The following PHLDB2 variants were observed in gnomAD, a reference collection of about 807,000 sequenced individuals.
PHLDB2 encodes pleckstrin homology-like domain family B member 2.
A neutral mutation model predicts 123.6 loss-of-function variants in PHLDB2; 71 were observed. That is an observed-to-expected ratio of 0.57 (90% CI 0.47 to 0.70). The LOEUF (loss-of-function observed/expected upper bound fraction) is 0.70. Among genes scored for constraint, PHLDB2 ranks in the 30% least tolerant of loss-of-function variants. PHLDB2 has a pLI of 0.00. For synonymous variants in PHLDB2, 547 were observed against 541.6 expected, an observed-to-expected ratio of 1.01 and a Z score of -0.14; for missense variants, 1,446 against 1,519.5, an observed-to-expected ratio of 0.95 and a Z score of 0.80.
rs144836013 is a variant in PHLDB2, at chr3:111,975,206, T to C, written c.*643T>C. ...TGATGCCATCAAATGCCCAGGAAAT[T>C]GACTTTGCAGTGTCACCACTGGTGT... On this transcript the variant is annotated 3_prime_UTR_variant, in exon 18 of 18. Transcript: ENST00000431670. 6.6e-6 allele frequency: 1 copy of C among 152,484 alleles called. No individual in the cohort carries two copies. The highest frequency in any genetic ancestry group is 1.5e-5 in the Non-Finnish European group (1 of 68,048). 9.4% of individuals were successfully genotyped at this position (152,484 alleles called of 1,614,324 possible).
chr3:111,923,975 G>A (rs1282965), intron 5 of PHLDB2, among the ~76,000 whole-genome samples: 1 of 152,132 alleles, frequency 6.6e-6, no homozygotes, highest in Non-Finnish European at 1.5e-5. Context: ...TCCAAATTCC[G>A]TAGTGTGATC....
At chr3:111,875,024 G>C (rs918416296) in intron 1 of PHLDB2, among the ~76,000 whole-genome samples, 1 of 152,132 alleles carries the variant, frequency 6.6e-6, no homozygotes, top group Non-Finnish European at 1.5e-5. Context: ...ATTTGATTTT[G>C]TAGTTTTTCA....
chr3:111,747,520 G>A (rs1325016054), intron 1 of PHLDB2, among the ~76,000 whole-genome samples: 1 of 152,154 alleles, frequency 6.6e-6, no homozygotes, highest in Non-Finnish European at 1.5e-5. Context: ...AGCAATACCA[G>A]GACAGAGGAG....
chr3:111,912,820 A>T (rs1479192154), intron 2 of PHLDB2, among the ~76,000 whole-genome samples: 3 of 151,994 alleles, frequency 2.0e-5, no homozygotes, highest in African/African-American at 7.2e-5. Context: ...ATGGAGGTTT[A>T]AAAAAAATGA....
chr3:111,954,854 G>T (rs970036256), intron 12 of PHLDB2, among the ~76,000 whole-genome samples: 28 of 152,268 alleles, frequency 1.8e-4, no homozygotes, highest in African/African-American at 6.0e-4. Context: ...AATAATGGCG[G>T]TATGCCCAGG....
intron 13 of PHLDB2, among the ~76,000 whole-genome samples, chr3:111,962,929 CAA>C (rs57625439): frequency 7.6e-4 from 71 of 93,818 alleles, no homozygotes; most frequent in South Asian, 1.8e-3. Context: ...AACTCCATCT[CAA>C]AAAAAAAAAA....
chr3:111,814,219 G>T (rs1009544405), intron 1 of PHLDB2, among the ~76,000 whole-genome samples: 1 of 152,128 alleles, frequency 6.6e-6, no homozygotes, highest in Non-Finnish European at 1.5e-5. Flanking sequence ...GTCAGGCTAG[G>T]GAAGGCAGAC....
In PHLDB2 at chr3:111,913,979, G is replaced by C. The variant is rs374918939; in HGVS notation, c.1719+277G>C. The C allele has an allele frequency of 2.3e-4, 94 of 401,244 alleles. 2 individuals carry two copies. In the South Asian group the frequency reaches 3.3e-3, roughly 14 times the overall value. 24.9% of individuals were successfully genotyped at this position (401,244 alleles called of 1,614,324 possible). On this transcript the variant is annotated intron_variant, in intron 3 of 17. Transcript: ENST00000431670. Reference sequence around the variant, plus strand: ...TTCAGGTTGTACACCTGAGTGATAAGCAGGTGTAAAACTGGTGCTAAAATT... The same window carrying C: ...TTCAGGTTGTACACCTGAGTGATAACCAGGTGTAAAACTGGTGCTAAAATT...
intron 1 of PHLDB2, among the ~76,000 whole-genome samples, chr3:111,797,850 G>A (rs2061224665): frequency 6.6e-6 from 1 of 152,196 alleles, no homozygotes; most frequent in Non-Finnish European, 1.5e-5. Flanking sequence ...AGAGAAATAG[G>A]GTAGGGTGCA....
At chr3:111,883,592 CTT>C (rs954220210) in intron 1 of PHLDB2, among the ~76,000 whole-genome samples, 1 of 152,100 alleles carries the variant, frequency 6.6e-6, no homozygotes, top group African/African-American at 2.4e-5. Context: ...CTAACGTAAA[CTT>C]TTTTTTCTCT....
chr3:111,758,139 A>G (rs1239432734), intron 1 of PHLDB2, among the ~76,000 whole-genome samples: 1 of 152,054 alleles, frequency 6.6e-6, no homozygotes, highest in Non-Finnish European at 1.5e-5. Context: ...CAAAGCTGTC[A>G]GACAGGGACA....
intron 2 of PHLDB2, among the ~76,000 whole-genome samples, chr3:111,904,672 G>A (rs1460306063): frequency 6.6e-6 from 1 of 152,154 alleles, no homozygotes; most frequent in Non-Finnish European, 1.5e-5. Context: ...TTTATTTTGA[G>A]GGGAGGGAGG....
intron 1 of PHLDB2, among the ~76,000 whole-genome samples, chr3:111,756,208 TTGTTAACTTTC>T (rs1014920078): frequency 5.3e-5 from 8 of 151,882 alleles, no homozygotes; most frequent in African/African-American, 1.9e-4. Flanking sequence ...CTGGGTATCC[TTGTTAACTTTC>T]TGTCTCGTTG....
upstream of PHLDB2, among the ~76,000 whole-genome samples, chr3:111,856,499 T>C (rs2064515311): frequency 6.6e-6 from 1 of 152,244 alleles, no homozygotes; most frequent in African/African-American, 2.4e-5. Context: ...GAATACCGGA[T>C]ACGTATACAA....
rs1577060562 is a variant in PHLDB2 at position 111,908,897 on chromosome 3, AC to A, written c.1336-4420del. Among the ~76,000 whole-genome samples, 4 of 152,260 alleles carry A rather than the reference AC, an allele frequency of 2.6e-5. No homozygotes were observed. The East Asian group carries it at 7.7e-4, about 29-fold the overall frequency. ...TGTCAGCACCAGCTTTTCTCATTCT[AC>A]CACTCACTCAGACCAGGGTTCCTGA... is the stretch of plus-strand genomic sequence containing the variant. On this transcript the variant is annotated intron_variant, in intron 2 of 17. Transcript: ENST00000431670.
intron 1 of PHLDB2, among the ~76,000 whole-genome samples, chr3:111,869,162 TTTC>T (rs1052407093): frequency 1.6e-4 from 24 of 152,262 alleles, no homozygotes; most frequent in South Asian, 4.1e-4. Context: ...GAATTTTTTT[TTTC>T]TTCTTCTTCT....
chr3:111,941,672 GTA>G (rs2069894131), intron 8 of PHLDB2, among the ~76,000 whole-genome samples: 1 of 152,078 alleles, frequency 6.6e-6, no homozygotes, highest in Admixed American at 6.6e-5. Context: ...GCTGGGCATG[GTA>G]GCACACACCT....
chr3:111,846,167 T>C, intron 2 of PHLDB2: 1 of 422,114 alleles, frequency 2.4e-6, no homozygotes, highest in Admixed American at 3.4e-5. Flanking sequence ...TTAGTCCAGA[T>C]GCTGAAGGAT....
At chr3:111,752,326 G>A (rs992251621) in intron 1 of PHLDB2, among the ~76,000 whole-genome samples, 3 of 150,872 alleles carry the variant, frequency 2.0e-5, no homozygotes, top group Non-Finnish European at 4.4e-5. Context: ...TCTATCATTC[G>A]CTTTTCTCAT....
Sources: allele counts gnomAD v4.1 joint callset (sites outside exome capture counted in the v4.1 genomes callset), GRCh38; gene constraint gnomAD v4.1.1; transcripts MANE v1.5; gene names NCBI Gene and HGNC (gene_info 2026-07-23, HGNC 2026-07-21).